TRPC5OS: variants seen among roughly 807,000 people sequenced by gnomAD.
TRPC5OS encodes TRPC5 opposite strand, also known as putative uncharacterized protein TRPC5OS.
For missense variants in TRPC5OS, 64 were observed against 79.3 expected (o/e 0.81, Z 0.73); for synonymous variants, 30 against 29.3 (o/e 1.02, Z -0.08).
At chrX:111,881,506 TA>T (rs1924219061) in intron 1 of TRPC5OS, among the ~76,000 whole-genome samples, 1 of 111,535 alleles carries the variant, frequency 9.0e-6, no homozygotes, top group Non-Finnish European at 1.9e-5. Context: ...ACAAATTTGT[TA>T]CCAAATGTCG....
At chrX:111,894,040 T>C (rs750561213) in intron 1 of TRPC5OS, among the ~76,000 whole-genome samples, 24 of 111,512 alleles carry the variant, frequency 2.2e-4, no homozygotes, top group Non-Finnish European at 4.3e-4. Flanking sequence ...TGAATGCATG[T>C]ATCCAAATGG....
At chrX:111,894,977 A>G (rs1422410956) in intron 1 of TRPC5OS, among the ~76,000 whole-genome samples, 1 of 110,148 alleles carries the variant, frequency 9.1e-6, no homozygotes, top group Non-Finnish European at 1.9e-5. Flanking sequence ...AGCTAATTTT[A>G]TGCATCTGGT....
intron 3 of TRPC5OS, among the ~76,000 whole-genome samples, chrX:111,897,971 A>G (rs764942603): frequency 4.5e-5 from 5 of 110,703 alleles, no homozygotes; most frequent in Non-Finnish European, 9.5e-5. Flanking sequence ...CAAAAACATA[A>G]TATGATTTTA....
chrX:111,900,797 ACTT>A (rs1925304607), intron 3 of TRPC5OS, among the ~76,000 whole-genome samples: 1 of 111,868 alleles, frequency 8.9e-6, no homozygotes, highest in Admixed American at 9.5e-5. Flanking sequence ...AATATTAAAA[ACTT>A]CTTGCATCCT....
chrX:111,876,866 G>A (rs942458073), intron 1 of TRPC5OS, among the ~76,000 whole-genome samples: 4 of 111,479 alleles, frequency 3.6e-5, no homozygotes, highest in Non-Finnish European at 7.5e-5. Flanking sequence ...TTCACTTAGA[G>A]CTCATATTAA....
At position 111,901,649 on chromosome X, in the gene TRPC5OS, T is replaced by G. The variant is rs977497330; in HGVS notation, c.-201T>G. On this transcript the variant is annotated 5_prime_UTR_variant, in exon 4 of 4. Coordinates refer to ENST00000635763, the MANE Select transcript of TRPC5OS (RefSeq NM_001195578.2). Reference sequence around the variant, plus strand: ...ACCATACATAAATTCTGTGCGCGGTTTACCAACATCATCAAAAAGTTATAT... The same window carrying G: ...ACCATACATAAATTCTGTGCGCGGTGTACCAACATCATCAAAAAGTTATAT... 2.9e-6 allele frequency: 1 copy of G among 339,451 alleles called. No homozygotes were observed. Among genetic ancestry groups the G allele is most frequent in the African/African-American group, 2.7e-5 (1 of 37,594 alleles). 28.0% of individuals were successfully genotyped at this position (339,451 alleles called of 1,213,427 possible).
intron 3 of TRPC5OS, among the ~76,000 whole-genome samples, chrX:111,899,790 T>A (rs1313051233): frequency 8.9e-6 from 1 of 111,752 alleles, no homozygotes; most frequent in African/African-American, 3.2e-5. Context: ...ATTCCTTTCC[T>A]TGATTTCTCT....
At chrX:111,882,835 C>T (rs1414976608) in intron 1 of TRPC5OS, among the ~76,000 whole-genome samples, 3 of 112,066 alleles carry the variant, frequency 2.7e-5, no homozygotes, top group African/African-American at 6.5e-5. Flanking sequence ...CCTGTAATCC[C>T]AGCACTTTGG....
At chrX:111,876,069 A>G (rs1317598030), upstream of TRPC5OS, 1 of 110,909 alleles carries the variant, frequency 9.0e-6, no homozygotes. Flanking sequence ...CAAATGTGGC[A>G]AACAAAAACT....
chrX:111,889,419 C>T (rs1166323767), intron 1 of TRPC5OS, among the ~76,000 whole-genome samples: 1 of 112,096 alleles, frequency 8.9e-6, no homozygotes, highest in Non-Finnish European at 1.9e-5. Flanking sequence ...TTCAGATTCC[C>T]CTGGCTCTAG....
At chrX:111,888,813 T>C (rs752512622) in intron 1 of TRPC5OS, among the ~76,000 whole-genome samples, 1 of 109,245 alleles carries the variant, frequency 9.2e-6, no homozygotes, top group South Asian at 4.0e-4. Flanking sequence ...ATGTAGATGA[T>C]AGTGTGATGG....
chrX:111,899,559 GA>G (rs1925238729), intron 3 of TRPC5OS, among the ~76,000 whole-genome samples: 1 of 111,006 alleles, frequency 9.0e-6, no homozygotes, highest in African/African-American at 3.3e-5. Flanking sequence ...GGAAGATAGA[GA>G]AGCTGAGAAA....
Position 111,901,735 on chromosome X carries a change from C to G in TRPC5OS, c.-115C>G. 2.0e-6 allele frequency: 1 copy of G among 495,568 alleles called. No homozygotes were observed. Among genetic ancestry groups the G allele is most frequent in the Non-Finnish European group, 3.2e-6 (1 of 315,474 alleles). 40.8% of individuals were successfully genotyped at this position (495,568 alleles called of 1,213,427 possible). ...CATAATCATATCAACATCCTAATTT[C>G]TGGCCTAAACCAACCACAGAACCAT... is the stretch of plus-strand genomic sequence containing the variant. On this transcript the variant is annotated 5_prime_UTR_variant, in exon 4 of 4. Coordinates refer to ENST00000635763, the MANE Select transcript of TRPC5OS (RefSeq NM_001195578.2).
chrX:111,896,959 G>C (rs1234026254), intron 3 of TRPC5OS, among the ~76,000 whole-genome samples: 1 of 111,982 alleles, frequency 8.9e-6, no homozygotes, highest in Non-Finnish European at 1.9e-5. Context: ...AATACTAAAT[G>C]CTTCAAAATC....
At chrX:111,900,032 G>C (rs568342127) in intron 3 of TRPC5OS, among the ~76,000 whole-genome samples, 84 of 111,316 alleles carry the variant, frequency 7.5e-4, no homozygotes, top group African/African-American at 2.2e-3. Flanking sequence ...GATCTGATAG[G>C]ACTTAGGCTA....
At chrX:111,896,139 A>C (rs1030983591) in intron 2 of TRPC5OS, 43 bp downstream of exon 2, 5 of 110,976 alleles carry the variant, frequency 4.5e-5, no homozygotes, top group Non-Finnish European at 9.4e-5. Context: ...TCAAGTTTCC[A>C]GCCCATTATT....
chrX:111,889,905 A>C (rs1392073268), intron 1 of TRPC5OS, among the ~76,000 whole-genome samples: 1 of 111,056 alleles, frequency 9.0e-6, no homozygotes, highest in African/African-American at 3.3e-5. Context: ...TTTTCTTTTT[A>C]GTAGGGCTTT....
intron 1 of TRPC5OS, among the ~76,000 whole-genome samples, chrX:111,892,233 G>A (rs983335831): frequency 2.7e-5 from 3 of 112,266 alleles, no homozygotes; most frequent in Non-Finnish European, 5.6e-5. Flanking sequence ...AAAAGTATAC[G>A]AAGATGTTTG....
chrX:111,902,006 G>A lies in TRPC5OS; in HGVS notation c.157G>A (p.Ala53Thr). ...NGRAEETEAD[A>T]PLPEEPSLPD... is the part of the protein sequence containing the mutation. ...TAGAGCAGAAGAGACTGAAGCAGAT[G>A]CACCTCTTCCCGAGGAGCCTTCGCT... The change falls in exon 4 of 4, where the codon GCA becomes ACA. Residue 53 changes from alanine (A) to threonine (T), a missense_variant. Ala to Thr is a moderately conservative substitution (Grantham distance 58). Transcript: ENST00000635763. 4.3e-6 allele frequency: 5 copies of A among 1,155,694 alleles called. No homozygotes were observed. The highest frequency in any genetic ancestry group is 5.7e-6 in the Non-Finnish European group (5 of 872,741).
Sources: gnomAD v4.1 joint callset for allele counts (sites outside exome capture counted in the v4.1 genomes callset) on GRCh38, gnomAD v4.1.1 for gene constraint, MANE v1.5 for transcripts, NCBI Gene and HGNC (gene_info 2026-07-23, HGNC 2026-07-21) for gene names.